Variants in TLK1 observed in about 807,000 individuals in gnomAD.
TLK1 encodes tousled like kinase 1, also known as serine/threonine-protein kinase tousled-like 1.
A neutral mutation model predicts 105.3 loss-of-function variants in TLK1; 24 were observed. The observed-to-expected ratio is 0.23, with a 90% confidence interval of 0.17 to 0.32. The LOEUF (loss-of-function observed/expected upper bound fraction) is 0.32. Among genes scored for constraint, TLK1 ranks in the 10% least tolerant of loss-of-function variants. The pLI, the probability that TLK1 is intolerant of heterozygous loss-of-function variation, is 1.00. For missense variants in TLK1, 558 were observed against 910.5 expected (o/e 0.61, Z 4.98); for synonymous variants, 321 against 310.4 (o/e 1.03, Z -0.36).
intron 1 of TLK1, among the ~76,000 whole-genome samples, chr2:171,222,884 G>A (rs1460074576): frequency 2.6e-5 from 4 of 151,974 alleles, no homozygotes; most frequent in East Asian, 1.9e-4. Flanking sequence ...GTGCAATCTC[G>A]GCTCACTGCA....
rs983489074 is a variant in TLK1, at chr2:171,123,618, G to A, written c.140-5761C>T. 9.9e-5 allele frequency among the ~76,000 whole-genome samples: 15 copies of A among 152,210 alleles called. 1 individual carries two copies. In the Middle Eastern group the frequency reaches 0.01, roughly 104 times the overall value. On this transcript the variant is annotated intron_variant, in intron 1 of 20. Transcript: ENST00000431350. ...AGCCCAAGAGTCCGAGACCAGCCTG[G>A]GCAACATAGGGAGACCCTGTCTCTA...
At chr2:171,201,898 CATCT>C (rs3081728) in intron 1 of TLK1, among the ~76,000 whole-genome samples, 38,790 of 148,142 alleles carry the variant, frequency 0.26, 4,946 homozygotes, top group Admixed American at 0.29. Context: ...TATCAGCTAT[CATCT>C]ATCTATCTAT....
At chr2:171,171,048 CAAAT>C (rs978519494) in intron 1 of TLK1, among the ~76,000 whole-genome samples, 30 of 151,618 alleles carry the variant, frequency 2.0e-4, no homozygotes, top group Admixed American at 1.4e-3. Context: ...AAAATTAAAA[CAAAT>C]AAAGCTCTTA....
chr2:171,197,445 T>G (rs1693296434), intron 1 of TLK1, among the ~76,000 whole-genome samples: 1 of 152,092 alleles, frequency 6.6e-6, no homozygotes. Context: ...CAATGTGATG[T>G]TTTCAAAGTG....
chr2:171,200,446 C>A (rs1024534366), intron 1 of TLK1, among the ~76,000 whole-genome samples: 1 of 152,146 alleles, frequency 6.6e-6, no homozygotes, highest in African/African-American at 2.4e-5. Context: ...GAATGACTTG[C>A]GCAGCCCACA....
In TLK1 at chr2:171,123,076, A is replaced by ACC. The variant is rs1249721984; in HGVS notation, c.140-5220_140-5219insGG. Among the ~76,000 whole-genome samples, 12 of 152,024 alleles carry ACC rather than the reference A, an allele frequency of 7.9e-5. No individual in the cohort carries two copies. The South Asian group carries it at 2.5e-3, about 32-fold the overall frequency. On this transcript the variant is annotated intron_variant, in intron 1 of 20. Coordinates refer to ENST00000431350, the MANE Select transcript of TLK1 (RefSeq NM_012290.5). ...AATAAATACACACACACACACACACACACACACACACTTCTTTTTTTAATA... is the reference window on the plus strand; with the variant it reads ...AATAAATACACACACACACACACACACCCACACACACACTTCTTTTTTTAATA...
intron 3 of TLK1, chr2:171,081,592 T>C (rs906869277): frequency 8.1e-7 from 1 of 1,241,340 alleles, no homozygotes; most frequent in Non-Finnish European, 1.1e-6. Flanking sequence ...GTTAATTTTT[T>C]AAAAACTAAA....
chr2:171,082,758 A>G, intron 3 of TLK1, 23 bp downstream of exon 3: 2 of 1,536,842 alleles, frequency 1.3e-6, no homozygotes, highest in Non-Finnish European at 1.8e-6. Flanking sequence ...TAATAGCACC[A>G]TATTTAAAAT....
intron 1 of TLK1, among the ~76,000 whole-genome samples, chr2:171,151,669 G>A (rs909537026): frequency 6.6e-6 from 1 of 151,294 alleles, no homozygotes; most frequent in Admixed American, 6.6e-5. Context: ...TAGAGACAGG[G>A]TTTCACCGTG....
chr2:171,006,367 T>C (rs1684653886), intron 17 of TLK1, 85 bp from the exon 18 acceptor site: 3 of 1,474,192 alleles, frequency 2.0e-6, no homozygotes, highest in Non-Finnish European at 2.7e-6. Flanking sequence ...AGTATTTTAC[T>C]GATGTCTTAC....
chr2:171,037,585 A>G (rs991197924), intron 11 of TLK1, among the ~76,000 whole-genome samples: 2 of 152,080 alleles, frequency 1.3e-5, no homozygotes, highest in African/African-American at 4.8e-5. Flanking sequence ...TCAATGTTGA[A>G]TTTTATCTAA....
intron 2 of TLK1, among the ~76,000 whole-genome samples, chr2:171,106,370 T>A (rs1332098724): frequency 6.6e-6 from 1 of 152,214 alleles, no homozygotes; most frequent in Non-Finnish European, 1.5e-5. Context: ...AAATGATAAA[T>A]GTTTGAGGTG....
chr2:171,127,688 T>C (rs1690927354), intron 1 of TLK1, among the ~76,000 whole-genome samples: 1 of 152,248 alleles, frequency 6.6e-6, no homozygotes, highest in Admixed American at 6.5e-5. Context: ...TAGATATATA[T>C]CTAATTTTTT....
intron 1 of TLK1, among the ~76,000 whole-genome samples, chr2:171,201,952 C>A (rs1693407838): frequency 6.7e-6 from 1 of 150,226 alleles, no homozygotes. Flanking sequence ...TATCATCAAT[C>A]ATATCTATTA....
chr2:171,049,976 C>T (rs368479387), intron 9 of TLK1, 26 bp from the exon 10 acceptor site: 2 of 1,613,006 alleles, frequency 1.2e-6, no homozygotes, highest in Non-Finnish European at 1.7e-6. Flanking sequence ...AAAATCATCA[C>T]TCAATTGTAT....
intron 2 of TLK1, among the ~76,000 whole-genome samples, chr2:171,115,964 T>C (rs561482194): frequency 1.3e-5 from 2 of 152,124 alleles, no homozygotes; most frequent in East Asian, 3.9e-4. Flanking sequence ...CTAATAAAGT[T>C]GTTTTTCATA....
rs1366559899 is a variant in TLK1, at chr2:171,006,218, G to C, written c.1833C>G (p.Ser611=). ...GEIKITDFGL[S]KIMDDDSYGV... ...CATAGCTATCATCATCCATAATCTT[G>C]GACAGACCAAAATCAGTGATTTTGA... The change falls in exon 18 of 21, where the codon TCC becomes TCG. Residue 611 remains serine, a synonymous_variant. Coordinates refer to ENST00000431350, the MANE Select transcript of TLK1 (RefSeq NM_012290.5). The C allele has an allele frequency of 3.1e-6, 5 of 1,610,898 alleles. No homozygotes were observed. The highest frequency in any genetic ancestry group is 4.2e-6 in the Non-Finnish European group (5 of 1,178,870).
At chr2:171,073,881 C>CCG (rs200135260) in intron 3 of TLK1, among the ~76,000 whole-genome samples, 60,178 of 128,958 alleles carry the variant, frequency 0.47, 15,650 homozygotes, top group South Asian at 0.64. Flanking sequence ...TTCCCCCCCC[C>CCG]CCTCCTTTTT....
intron 1 of TLK1, among the ~76,000 whole-genome samples, chr2:171,145,750 TA>T (rs1691768839): frequency 6.6e-6 from 1 of 152,214 alleles, no homozygotes; most frequent in South Asian, 2.1e-4. Flanking sequence ...ATAGTGCAAT[TA>T]AAATTACAGT....
Sources: gnomAD v4.1 joint callset for allele counts (sites outside exome capture counted in the v4.1 genomes callset) on GRCh38, gnomAD v4.1.1 for gene constraint, MANE v1.5 for transcripts, NCBI Gene and HGNC (gene_info 2026-07-23, HGNC 2026-07-21) for gene names.